TTC3: variants seen among roughly 807,000 people sequenced by gnomAD.
TTC3 encodes the protein E3 ubiquitin-protein ligase TTC3.
In TTC3, 180 loss-of-function variants were observed where a neutral mutation model predicts 249.6. That is an observed-to-expected ratio of 0.72 (90% CI 0.64 to 0.82). The LOEUF (loss-of-function observed/expected upper bound fraction) is 0.82, where lower values mean the gene tolerates loss of function less well. Ranked by LOEUF, TTC3 falls within the 40% of genes least tolerant of loss-of-function variation. The pLI is 0.00. For missense variants in TTC3, 2,061 were observed against 2,398.4 expected (o/e 0.86, Z 2.94); for synonymous variants, 717 against 805.0 (o/e 0.89, Z 1.85).
At chr21:37,168,549 A>G (rs1057371184) in intron 34 of TTC3, among the ~76,000 whole-genome samples, 2 of 152,228 alleles carry the variant, frequency 1.3e-5, no homozygotes, top group Non-Finnish European at 2.9e-5. Flanking sequence ...TTTAAATGCT[A>G]TGGAGAGACA....
intron 10 of TTC3, chr21:37,101,430 C>T (rs961447655): frequency 7.2e-5 from 2 of 27,890 alleles, no homozygotes; most frequent in African/African-American, 3.0e-4. Context: ...GGTGTGTGCT[C>T]TTTATTTTTA....
intron 15 of TTC3, among the ~76,000 whole-genome samples, chr21:37,128,210 C>G (rs1783034): frequency 6.6e-6 from 1 of 152,218 alleles, no homozygotes; most frequent in Non-Finnish European, 1.5e-5. Context: ...GTGCCCTCCC[C>G]TTAAACCTTC....
chr21:37,159,196 G>A lies in TTC3; in HGVS notation c.2993-503G>A, dbSNP rs562841810. ...TCACTCACGTAGTTCCCCCAGCCATGCCCCACCCCTTTGCTTGTTCATTTC... is the reference window on the plus strand; with the variant it reads ...TCACTCACGTAGTTCCCCCAGCCATACCCCACCCCTTTGCTTGTTCATTTC... On this transcript the variant is annotated intron_variant, in intron 28 of 45. Transcript: ENST00000355666. Among the ~76,000 whole-genome samples, 4 of 152,158 alleles carry A rather than the reference G, an allele frequency of 2.6e-5. No homozygotes were observed. In the South Asian group the frequency reaches 8.3e-4, roughly 32 times the overall value.
At chr21:37,131,909 G>T (rs1833013344) in intron 16 of TTC3, among the ~76,000 whole-genome samples, 1 of 152,192 alleles carries the variant, frequency 6.6e-6, no homozygotes, top group Admixed American at 6.5e-5. Context: ...AACTTAGGGA[G>T]TCAGACTTTC....
chr21:37,074,246 G>C (rs1198612096), intron 1 of TTC3, among the ~76,000 whole-genome samples: 2 of 152,220 alleles, frequency 1.3e-5, no homozygotes, highest in Non-Finnish European at 2.9e-5. Context: ...AAGGGGGGTG[G>C]ACAGGATCGA....
chr21:37,157,894 ATAT>A (rs1331608058), intron 28 of TTC3, among the ~76,000 whole-genome samples: 3 of 152,202 alleles, frequency 2.0e-5, no homozygotes, highest in Non-Finnish European at 4.4e-5. Flanking sequence ...CTATATGAAC[ATAT>A]TATGATAATC....
At chr21:37,176,915 A>C (rs2082330129) in intron 35 of TTC3, among the ~76,000 whole-genome samples, 1 of 152,092 alleles carries the variant, frequency 6.6e-6, no homozygotes, top group African/African-American at 2.4e-5. Flanking sequence ...GTTTCTCACC[A>C]CTTTACAGCA....
At chr21:37,172,794 A>G in intron 35 of TTC3, 50 bp downstream of exon 35, 1 of 1,601,618 alleles carries the variant, frequency 6.2e-7, no homozygotes, top group African/African-American at 1.3e-5. Flanking sequence ...TAGTTAGGAG[A>G]ATGTGAGTGT....
chr21:37,081,442 T>C lies in TTC3; in HGVS notation c.-11-5805T>C, dbSNP rs1324518927. Reference sequence around the variant, plus strand: ...ATTTATGCGTTTTTTGAAGAAAATATCATTTTTCTTTTAGTTACATTGGAT... The same window carrying C: ...ATTTATGCGTTTTTTGAAGAAAATACCATTTTTCTTTTAGTTACATTGGAT... On this transcript the variant is annotated intron_variant, in intron 1 of 45. Coordinates refer to ENST00000355666, the Ensembl canonical transcript of TTC3. Among the ~76,000 whole-genome samples, 9 of 152,288 alleles carry C rather than the reference T, an allele frequency of 5.9e-5. No individual in the cohort carries two copies. The South Asian group carries it at 1.0e-3, about 18-fold the overall frequency.
chr21:37,080,906 G>A (rs8128385), intron 1 of TTC3, among the ~76,000 whole-genome samples: 6,064 of 151,366 alleles, frequency 0.04, 161 homozygotes, highest in Middle Eastern at 0.11. Flanking sequence ...CTTTTAATTG[G>A]TTATGTTCCA....
chr21:37,186,011 A>G (rs989937322), intron 37 of TTC3: 1 of 186,950 alleles, frequency 5.3e-6, no homozygotes, highest in Non-Finnish European at 1.1e-5. Context: ...TTGTCAATAT[A>G]AAAATACTGA....
At chr21:37,098,534 G>A (rs142433592) in intron 10 of TTC3, 3 of 152,392 alleles carry the variant, frequency 2.0e-5, no homozygotes, top group Admixed American at 1.3e-4. Flanking sequence ...GGTCTAGCTT[G>A]TGGTTTAATA....
chr21:37,159,932 G>A (rs890224227), intron 29 of TTC3, among the ~76,000 whole-genome samples, 187 bp downstream of exon 29: 3 of 152,138 alleles, frequency 2.0e-5, no homozygotes, highest in African/African-American at 7.2e-5. Context: ...CGGAATTGGA[G>A]CAATAATCAG....
rs767712272 is a variant in TTC3, at chr21:37,197,563, CT to C, written c.5580-4del. On this transcript the variant is annotated splice_region_variant and splice_polypyrimidine_tract_variant and intron_variant, in intron 42 of 45. Coordinates refer to ENST00000355666, the Ensembl canonical transcript of TTC3. ...TGTTGTCATTCATCACTCACTCTCC[CT>C]TTCAGCACTGAGCTTGCTGGTTTTA... 6.2e-6 allele frequency: 10 copies of C among 1,611,674 alleles called. 1 individual carries two copies. Among genetic ancestry groups the C allele is most frequent in the Non-Finnish European group, 8.5e-6 (10 of 1,179,842 alleles).
intron 35 of TTC3, among the ~76,000 whole-genome samples, chr21:37,173,318 T>C (rs1414244703): frequency 6.6e-6 from 1 of 152,208 alleles, no homozygotes; most frequent in Non-Finnish European, 1.5e-5. Flanking sequence ...GATCATCATC[T>C]TCATCTTACT....
chr21:37,191,558 A>AGCTTTTCATGGAACT (rs2084105245), intron 40 of TTC3, 134 bp downstream of exon 40: 1 of 540,410 alleles, frequency 1.9e-6, no homozygotes, highest in Admixed American at 4.3e-5. Context: ...AAGTATTATG[A>AGCTTTTCATGGAACT]GCTTTTCATG....
Position 37,180,504 on chromosome 21 carries a change from G to A in TTC3, c.4618-2270G>A, listed in dbSNP as rs539571042. ...AAATCATCATTCTCAGTAAACTATC[G>A]CAAGAACAAAAAACCAAACACTGCA... is the stretch of plus-strand genomic sequence containing the variant. On this transcript the variant is annotated intron_variant, in intron 35 of 45. Coordinates refer to ENST00000355666, the Ensembl canonical transcript of TTC3. Among the ~76,000 whole-genome samples, 145 of 148,066 alleles carry A rather than the reference G, an allele frequency of 9.8e-4. 1 individual carries two copies. The highest frequency in any genetic ancestry group is 1.7e-3 in the South Asian group (8 of 4,652).
At chr21:37,174,167 T>C (rs547403865) in intron 35 of TTC3, among the ~76,000 whole-genome samples, 1 of 152,166 alleles carries the variant, frequency 6.6e-6, no homozygotes, top group Non-Finnish European at 1.5e-5. Flanking sequence ...AGGCTCTTTC[T>C]TTGTACAGTC....
chr21:37,115,378 G>A (rs974378746), intron 11 of TTC3, among the ~76,000 whole-genome samples: 2 of 152,104 alleles, frequency 1.3e-5, no homozygotes, highest in African/African-American at 4.8e-5. Context: ...GAGGCTGATA[G>A]TCTGGTGTTG....
Sources: allele counts gnomAD v4.1 joint callset (sites outside exome capture counted in the v4.1 genomes callset), GRCh38; gene constraint gnomAD v4.1.1; transcripts MANE v1.5; gene names NCBI Gene and HGNC (gene_info 2026-07-23, HGNC 2026-07-21).